Variants in PIGZ observed in about 807,000 individuals in gnomAD.
The protein encoded by PIGZ is GPI alpha-1,2-mannosyltransferase 4.
In PIGZ, 16 loss-of-function variants were observed where a neutral mutation model predicts 16.4. The ratio of observed to expected loss-of-function variants is 0.97; its 90% CI spans 0.66 to 1.48. The LOEUF (loss-of-function observed/expected upper bound fraction) is 1.48, where lower values mean the gene tolerates loss of function less well. PIGZ is among the 40% of genes most tolerant of loss of function. PIGZ has a pLI of 0.00. For synonymous variants in PIGZ, 409 were observed against 338.4 expected, an observed-to-expected ratio of 1.21 and a Z score of -2.29; for missense variants, 770 against 739.2, an observed-to-expected ratio of 1.04 and a Z score of -0.48.
At chr3:196,957,225 G>A (rs1032392622) in intron 1 of PIGZ, among the ~76,000 whole-genome samples, 6 of 151,656 alleles carry the variant, frequency 4.0e-5, no homozygotes, top group African/African-American at 1.2e-4. Flanking sequence ...TTTAGGAAGG[G>A]GGATAGTGCC....
intron 1 of PIGZ, among the ~76,000 whole-genome samples, chr3:196,955,701 C>G (rs1717457498): frequency 6.6e-6 from 1 of 151,550 alleles, no homozygotes; most frequent in African/African-American, 2.4e-5. Flanking sequence ...GCCTCAGCCT[C>G]CCGAGTAGCT....
Position 196,949,110 on chromosome 3 carries a change from C to A in PIGZ, c.212-425G>T, listed in dbSNP as rs867405669. ...TGTCACCCAGGCTGGAGTGCGGTGG[C>A]GAGATCACAGCTCTCGCTATGTTAC... On this transcript the variant is annotated intron_variant, in intron 2 of 2. Coordinates refer to ENST00000412723, the MANE Select transcript of PIGZ (RefSeq NM_025163.4). 6.8e-5 allele frequency among the ~76,000 whole-genome samples: 10 copies of A among 148,048 alleles called. 1 individual carries two copies. In the Admixed American group the frequency reaches 6.8e-4, roughly 10 times the overall value.
chr3:196,962,237 C>A (rs1379256904), intron 1 of PIGZ, among the ~76,000 whole-genome samples: 3 of 152,164 alleles, frequency 2.0e-5, no homozygotes, highest in African/African-American at 7.2e-5. Flanking sequence ...TAGGGCTGTG[C>A]AGGATGTGCT....
chr3:196,965,518 G>A lies in PIGZ; in HGVS notation c.-1+3169C>T, dbSNP rs1717891899. 6.6e-6 allele frequency among the ~76,000 whole-genome samples: 1 copy of A among 152,170 alleles called. No homozygotes were observed. Among genetic ancestry groups the A allele is most frequent in the Non-Finnish European group, 1.5e-5 (1 of 68,030 alleles). On this transcript the variant is annotated intron_variant, in intron 1 of 2. Transcript: ENST00000412723. This position sits in a 1 kb window ranked among gnomAD's most constrained non-coding sequence, Gnocchi z 4.2. Reference sequence around the variant, plus strand: ...CATACCATTTGCCCAATTTAGTCCAGAATCCCACGGGCTATCTCCCTCCTC... The same window carrying A: ...CATACCATTTGCCCAATTTAGTCCAAAATCCCACGGGCTATCTCCCTCCTC...
Position 196,957,625 on chromosome 3 carries a change from C to T in PIGZ, c.1-5594G>A, listed in dbSNP as rs571071271. Among the ~76,000 whole-genome samples, 83 of 152,270 alleles carry T rather than the reference C, an allele frequency of 5.5e-4. No homozygotes were observed. In the East Asian group the frequency reaches 8.1e-3, roughly 15 times the overall value. On this transcript the variant is annotated intron_variant, in intron 1 of 2. Transcript: ENST00000412723. Reference sequence around the variant, plus strand: ...TCGAACTCCTGACCTCGTGATCCGCCGGCCTCAGCCTCCCAAAGTGCTGGG... The same window carrying T: ...TCGAACTCCTGACCTCGTGATCCGCTGGCCTCAGCCTCCCAAAGTGCTGGG...
chr3:196,967,112 G>T (rs899698613), intron 1 of PIGZ, among the ~76,000 whole-genome samples: 4 of 151,978 alleles, frequency 2.6e-5, no homozygotes, highest in African/African-American at 4.8e-5. Context: ...TGCTGGGCGC[G>T]GGGGGAGGCC....
Position 196,947,922 on chromosome 3 carries a change from G to A in PIGZ, c.975C>T (p.Leu325=). 2 of 1,613,970 alleles carry A rather than the reference G, an allele frequency of 1.2e-6. No individual in the cohort carries two copies. The highest frequency in any genetic ancestry group is 2.2e-5 in the South Asian group (2 of 91,072). Residue 325 remains leucine, a synonymous_variant, in exon 3 of 3, where the codon CTC becomes CTT. Coordinates refer to ENST00000412723, the MANE Select transcript of PIGZ (RefSeq NM_025163.4). ...GGGCCTGGGCATGCAGCACCCCGAA[G>A]AGCAGGAAGCCGTTGACTGCCAGGT... is the stretch of plus-strand genomic sequence containing the variant. ...LTHLAVNGFL[L]FGVLHAQALQ...
rs139299793 is a variant in PIGZ, at chr3:196,948,384, G to A, written c.513C>T (p.Phe171=). 1.7e-4 allele frequency: 269 copies of A among 1,614,098 alleles called. No homozygotes were observed. Among genetic ancestry groups the A allele is most frequent in the Non-Finnish European group, 2.1e-4 (245 of 1,180,032 alleles). ...TGGTGTTGGAGAAGGTCCTTGTGTA[G>A]AAGACCAGGGTGACGTAGGAACCAG... ...LLSGSYVTLV[F]YTRTFSNTIE... is the part of the protein sequence containing the mutation. Residue 171 remains phenylalanine (F), a synonymous_variant, in exon 3 of 3, where the codon TTC becomes TTT. Coordinates refer to ENST00000412723, the MANE Select transcript of PIGZ (RefSeq NM_025163.4).
In PIGZ at chr3:196,948,926, TC is replaced by T. The variant is rs1480050208; in HGVS notation, c.212-242del. ...TTCCCCTCCCCTCCCTTCCCTTCCT[TC>T]CCTTTACTTCCCTTCCTTCCCCTCC... On this transcript the variant is annotated intron_variant, in intron 2 of 2. Coordinates refer to ENST00000412723, the MANE Select transcript of PIGZ (RefSeq NM_025163.4). 8.4e-4 allele frequency among the ~76,000 whole-genome samples: 21 copies of T among 25,000 alleles called. 3 individuals carry two copies. The highest frequency in any genetic ancestry group is 1.4e-3 in the South Asian group (1 of 708). The allele number at this position is 25,000 out of a possible 152,430, so 16.4% of individuals were successfully genotyped here. A position where few individuals can be genotyped will look rare whatever the true frequency, so the allele number is the denominator to read the frequency against.
At chr3:196,949,840 G>A (rs1717196395) in intron 2 of PIGZ, among the ~76,000 whole-genome samples, 1 of 151,988 alleles carries the variant, frequency 6.6e-6, no homozygotes, top group Non-Finnish European at 1.5e-5. Context: ...CCAAGGACAA[G>A]CACCCTTGTC....
Position 196,951,834 on chromosome 3 carries a change from A to G in PIGZ, c.198T>C (p.Pro66=), listed in dbSNP as rs1235769490. Residue 66 remains proline, a synonymous_variant, in exon 2 of 3, where the codon CCT becomes CCC. Transcript: ENST00000412723. ...GCGGAGTTTTACCTGCCATCACCTC[A>G]GGGGACTGGAAGAACTCATCTGGGT... ...YVHPDEFFQS[P]EVMAEDILGV... The G allele has an allele frequency of 2.5e-6, 4 of 1,614,012 alleles. No homozygotes were observed. Among genetic ancestry groups the G allele is most frequent in the East Asian group, 4.5e-5 (2 of 44,898 alleles).
At chr3:196,959,256 G>A (rs1388088305) in intron 1 of PIGZ, among the ~76,000 whole-genome samples, 1 of 152,146 alleles carries the variant, frequency 6.6e-6, no homozygotes, top group East Asian at 1.9e-4. Context: ...CCATTGCCTG[G>A]GGCTGCTCCA....
chr3:196,957,545 G>A (rs1364336399), intron 1 of PIGZ, among the ~76,000 whole-genome samples: 1 of 151,994 alleles, frequency 6.6e-6, no homozygotes, highest in African/African-American at 2.4e-5. Context: ...ACCACACCCA[G>A]CTAATTTTGT....
chr3:196,948,997 TTTACTTC>T lies in PIGZ; in HGVS notation c.212-319_212-313del, dbSNP rs1167016774. On this transcript the variant is annotated intron_variant, in intron 2 of 2. Transcript: ENST00000412723. ...CCTCCCCTCCCTTCCCTTCCTTCCC[TTTACTTC>T]TCTTTCCCTCCCCTCCCTTCCCTTC... is the stretch of plus-strand genomic sequence containing the variant. 6.5e-4 allele frequency among the ~76,000 whole-genome samples: 21 copies of T among 32,302 alleles called. 2 individuals carry two copies. In the African/African-American group the frequency reaches 9.4e-3, roughly 14 times the overall value. The allele number at this position is 32,302 out of a possible 152,430, so 21.2% of individuals were successfully genotyped here.
intron 2 of PIGZ, among the ~76,000 whole-genome samples, chr3:196,950,485 C>T (rs2108902470): frequency 6.6e-6 from 1 of 152,332 alleles, no homozygotes; most frequent in South Asian, 2.1e-4. Flanking sequence ...TCGAGCTGAT[C>T]ATACAGCCTG....
chr3:196,967,233 G>A (rs1168316995), intron 1 of PIGZ, among the ~76,000 whole-genome samples: 1 of 152,134 alleles, frequency 6.6e-6, no homozygotes, highest in South Asian at 2.1e-4. Context: ...TGAGTCCGAG[G>A]GCCTGGGCCC....
chr3:196,964,048 A>ATT (rs1717827189), intron 1 of PIGZ, among the ~76,000 whole-genome samples: 1 of 151,366 alleles, frequency 6.6e-6, no homozygotes, highest in African/African-American at 2.4e-5. Flanking sequence ...TTTTATTTTT[A>ATT]TTTATTTATT....
chr3:196,947,948 G>T lies in PIGZ; in HGVS notation c.949C>A (p.His317Asn), dbSNP rs1239508483. Residue 317 changes from histidine to asparagine, a missense_variant, in exon 3 of 3, where the codon CAC becomes AAC. His to Asn is a moderately conservative substitution (Grantham distance 68, BLOSUM62 1). Transcript: ENST00000412723. ...AGCAGGAAGCCGTTGACTGCCAGGT[G>T]AGTGAGCCGCGCGTGCGTGCCATGT... Reference protein sequence around the residue: ...ARHGTHARLTHLAVNGFLLFG... With the variant: ...ARHGTHARLTNLAVNGFLLFG... The T allele has an allele frequency of 6.2e-7, 1 of 1,613,188 alleles. No homozygotes were observed. Among genetic ancestry groups the T allele is most frequent in the Non-Finnish European group, 8.5e-7 (1 of 1,179,570 alleles).
chr3:196,963,959 G>A (rs908798425), intron 1 of PIGZ, among the ~76,000 whole-genome samples: 2 of 152,020 alleles, frequency 1.3e-5, no homozygotes, highest in African/African-American at 4.8e-5. Context: ...TCTTTTCTGA[G>A]CTTCGGATTT....
Sources: gnomAD v4.1 joint callset for allele counts (sites outside exome capture counted in the v4.1 genomes callset) on GRCh38, gnomAD v4.1.1 for gene constraint, Gnocchi (gnomAD v3.1) non-coding constraint, MANE v1.5 for transcripts, NCBI Gene and HGNC (gene_info 2026-07-23, HGNC 2026-07-21) for gene names.